ZFHX3: variants seen among roughly 807,000 people sequenced by gnomAD.
The protein encoded by ZFHX3 is zinc finger homeobox protein 3.
A neutral mutation model predicts 279.1 loss-of-function variants in ZFHX3; 42 were observed. That is an observed-to-expected ratio of 0.15 (90% confidence interval 0.12 to 0.19). The LOEUF is 0.19. ZFHX3 is among the 10% of genes least tolerant of loss of function. ZFHX3 has a pLI of 1.00. For synonymous variants in ZFHX3, 2,293 were observed against 1,957.8 expected, an observed-to-expected ratio of 1.17 and a Z score of -4.52; for missense variants, 4,981 against 4,754.0, an observed-to-expected ratio of 1.05 and a Z score of -1.40.
At chr16:73,357,589 G>A (rs2016365405) in intron 3 of ZFHX3, among the ~76,000 whole-genome samples, 1 of 152,124 alleles carries the variant, frequency 6.6e-6, no homozygotes, top group Admixed American at 6.5e-5. Context: ...AAAACCAGAG[G>A]GCTTACCCTA....
chr16:73,503,929 C>T (rs973737857), intron 2 of ZFHX3, among the ~76,000 whole-genome samples: 4 of 152,154 alleles, frequency 2.6e-5, no homozygotes, highest in Non-Finnish European at 4.4e-5. Context: ...TCACTTCTTC[C>T]TTTTTAAAAA....
intron 4 of ZFHX3, among the ~76,000 whole-genome samples, chr16:72,846,484 G>A (rs963035388): frequency 6.6e-6 from 1 of 152,204 alleles, no homozygotes. Context: ...CGGGCACTGT[G>A]AGCATGAAAG....
rs1961431587 is a variant in ZFHX3 at position 72,959,193 on chromosome 16, C to T, written c.953G>A (p.Ser318Asn). 13 of 1,614,208 alleles carry T rather than the reference C, an allele frequency of 8.1e-6. No individual in the cohort carries two copies. Among genetic ancestry groups the T allele is most frequent in the Non-Finnish European group, 1.0e-5 (12 of 1,180,038 alleles). ...TLSEDERKIL[S>N]NKNISAIIQG... ...GATGATAGCGGAGATGTTCTTATTG[C>T]TAAGAATTTTCCGCTCGTCTTCGCT... Residue 318 changes from serine (S) to asparagine (N), a missense_variant, in exon 2 of 10, where the codon AGC becomes AAC. Transcript: ENST00000268489.
At chr16:73,443,421 C>G (rs1270094896) in intron 3 of ZFHX3, among the ~76,000 whole-genome samples, 4 of 152,198 alleles carry the variant, frequency 2.6e-5, no homozygotes, top group Admixed American at 2.6e-4. Flanking sequence ...ATCTTTCATG[C>G]AAAGTTTTTG....
At chr16:73,177,988 C>G (rs1469311432) in intron 5 of ZFHX3, among the ~76,000 whole-genome samples, 1 of 152,162 alleles carries the variant, frequency 6.6e-6, no homozygotes, top group Non-Finnish European at 1.5e-5. Context: ...GGCGGGCTAC[C>G]TCTCTGCAGG....
At chr16:73,281,750 G>A (rs1020205731) in intron 4 of ZFHX3, among the ~76,000 whole-genome samples, 7 of 152,122 alleles carry the variant, frequency 4.6e-5, no homozygotes, top group African/African-American at 1.7e-4. Context: ...TGATCAAAAG[G>A]TATATATTAA....
chr16:72,916,579 A>C (rs1403307195), intron 3 of ZFHX3, among the ~76,000 whole-genome samples: 1 of 152,246 alleles, frequency 6.6e-6, no homozygotes, highest in Non-Finnish European at 1.5e-5. Context: ...TTGACTAACG[A>C]GGATTATTAT....
At chr16:73,563,504 G>T (rs825697) in intron 2 of ZFHX3, among the ~76,000 whole-genome samples, 1 of 151,818 alleles carries the variant, frequency 6.6e-6, no homozygotes, top group Non-Finnish European at 1.5e-5. Flanking sequence ...TGATCCGCCC[G>T]CCTCAGCCTC....
chr16:73,553,188 A>G (rs1268521368), intron 2 of ZFHX3, among the ~76,000 whole-genome samples: 1 of 151,686 alleles, frequency 6.6e-6, no homozygotes, highest in East Asian at 1.9e-4. Context: ...GAAGTCGTGT[A>G]ACTCCTTTTT....
intron 3 of ZFHX3, among the ~76,000 whole-genome samples, chr16:73,435,075 T>C (rs192253441): frequency 2.2e-3 from 341 of 152,304 alleles, no homozygotes; most frequent in African/African-American, 7.6e-3. Context: ...ACTGGCTGGC[T>C]GGCTGGCTGG....
At chr16:73,705,919 A>C (rs1385374461) in intron 1 of ZFHX3, among the ~76,000 whole-genome samples, 1 of 151,688 alleles carries the variant, frequency 6.6e-6, no homozygotes, top group East Asian at 1.9e-4. Flanking sequence ...TAATGGTCCG[A>C]CTCTTGTTAT....
intron 1 of ZFHX3, among the ~76,000 whole-genome samples, chr16:73,788,537 T>A (rs1959728584): frequency 6.6e-6 from 1 of 152,154 alleles, no homozygotes; most frequent in Non-Finnish European, 1.5e-5. Flanking sequence ...GTGTTGTATG[T>A]CTGCTCTGCC....
chr16:72,869,648 G>A (rs1213558685), intron 4 of ZFHX3, among the ~76,000 whole-genome samples: 3 of 152,176 alleles, frequency 2.0e-5, no homozygotes, highest in Non-Finnish European at 4.4e-5. Context: ...AAACCGGGAA[G>A]GGGAGTATAG....
upstream of ZFHX3, chr16:73,048,338 CCGCCCGCA>C (rs1188763924): frequency 6.6e-6 from 1 of 151,752 alleles, no homozygotes; most frequent in Non-Finnish European, 1.5e-5. Context: ...CCGCGCCCGC[CCGCCCGCA>C]GGGACCCGGG....
At chr16:73,654,504 A>G (rs1344794698) in intron 2 of ZFHX3, among the ~76,000 whole-genome samples, 1 of 152,154 alleles carries the variant, frequency 6.6e-6, no homozygotes, top group Non-Finnish European at 1.5e-5. Flanking sequence ...CCTAATGATG[A>G]CATACACACA....
At chr16:72,854,947 G>T (rs2037718646) in intron 4 of ZFHX3, among the ~76,000 whole-genome samples, 1 of 99,604 alleles carries the variant, frequency 1.0e-5, no homozygotes, top group South Asian at 4.2e-4. Context: ...GTGGGGGGGG[G>T]GTGTCAAATG....
intron 1 of ZFHX3, among the ~76,000 whole-genome samples, chr16:73,778,102 C>A (rs1318492588): frequency 6.6e-6 from 1 of 151,820 alleles, no homozygotes; most frequent in Non-Finnish European, 1.5e-5. Context: ...TAAAAGCTCA[C>A]TCCCATGAAA....
At chr16:72,985,038 G>A (rs780728374) in intron 1 of ZFHX3, among the ~76,000 whole-genome samples, 4 of 151,864 alleles carry the variant, frequency 2.6e-5, no homozygotes, top group East Asian at 1.9e-4. Flanking sequence ...CCACCACTAC[G>A]AACACCAACA....
At chr16:72,824,834 C>T (rs1015752549) in intron 5 of ZFHX3, among the ~76,000 whole-genome samples, 28 of 152,296 alleles carry the variant, frequency 1.8e-4, no homozygotes, top group Non-Finnish European at 2.9e-4. Context: ...GCTCTTCATT[C>T]GAGAATACAC....
Sources: gnomAD v4.1 joint callset for allele counts (sites outside exome capture counted in the v4.1 genomes callset) on GRCh38, gnomAD v4.1.1 for gene constraint, MANE v1.5 for transcripts, NCBI Gene and HGNC (gene_info 2026-07-23, HGNC 2026-07-21) for gene names.